Variants in ST3GAL3 observed in about 807,000 individuals in gnomAD.
ST3GAL3 encodes ST3 beta-galactoside alpha-2,3-sialyltransferase 3, also known as CMP-N-acetylneuraminate-beta-1,4-galactoside alpha-2,3-sialyltransferase.
Under a neutral mutation model 50.1 loss-of-function variants are expected in ST3GAL3, and 21 were observed. The ratio of observed to expected loss-of-function variants is 0.42; its 90% confidence interval spans 0.30 to 0.60. The LOEUF is 0.60. Ranked by LOEUF, ST3GAL3 falls within the 20% of genes least tolerant of loss-of-function variation. ST3GAL3 has a pLI of 0.19. For synonymous variants in ST3GAL3, 183 were observed against 190.0 expected, an observed-to-expected ratio of 0.96 and a Z score of 0.30; for missense variants, 353 against 489.4, an observed-to-expected ratio of 0.72 and a Z score of 2.63.
intron 2 of ST3GAL3, among the ~76,000 whole-genome samples, chr1:43,775,658 G>C (rs1350994369): frequency 2.0e-5 from 3 of 152,038 alleles, no homozygotes; most frequent in African/African-American, 7.2e-5. Flanking sequence ...TCTACTTGGG[G>C]GGACACAAAA....
At chr1:43,875,897 CTCT>C (rs66500354) in intron 5 of ST3GAL3, among the ~76,000 whole-genome samples, 1,947 of 133,906 alleles carry the variant, frequency 0.015, 20 homozygotes, top group South Asian at 0.032. Flanking sequence ...TTTAGAATTT[CTCT>C]TCTTCTTCTT....
intron 5 of ST3GAL3, among the ~76,000 whole-genome samples, chr1:43,857,358 A>G (rs1262950241): frequency 4.6e-5 from 7 of 152,222 alleles, no homozygotes; most frequent in Non-Finnish European, 8.8e-5. Flanking sequence ...TAAATAAAAA[A>G]TAGGCCTGGC....
At chr1:43,755,066 T>G (rs11210912) in intron 2 of ST3GAL3, among the ~76,000 whole-genome samples, 55,233 of 152,026 alleles carry the variant, frequency 0.36, 11,145 homozygotes, top group African/African-American at 0.55. Flanking sequence ...GTGCTATTAA[T>G]GACATCATAG....
chr1:43,914,404 C>T (rs2154289596), intron 9 of ST3GAL3: 1 of 152,258 alleles, frequency 6.6e-6, no homozygotes, highest in Middle Eastern at 3.4e-3. Flanking sequence ...GGGGAGGTCT[C>T]CTTTATCTTT....
intron 5 of ST3GAL3, among the ~76,000 whole-genome samples, chr1:43,892,197 C>T (rs2076780532): frequency 6.6e-6 from 1 of 152,234 alleles, no homozygotes; most frequent in Non-Finnish European, 1.5e-5. Context: ...CCTGCCTTGG[C>T]CTCCCAAAGT....
At chr1:43,733,674 T>A (rs1300563020) in intron 1 of ST3GAL3, among the ~76,000 whole-genome samples, 1 of 152,196 alleles carries the variant, frequency 6.6e-6, no homozygotes, top group Non-Finnish European at 1.5e-5. Flanking sequence ...TTTAAGAAAT[T>A]TCTTGGCCCT....
At chr1:43,808,295 C>T (rs2060138123) in intron 3 of ST3GAL3, among the ~76,000 whole-genome samples, 3 of 118,510 alleles carry the variant, frequency 2.5e-5, no homozygotes, top group South Asian at 5.8e-4. Context: ...CAGTGTGAGA[C>T]TCCATCTCAA....
intron 3 of ST3GAL3, chr1:43,801,482 C>G: frequency 2.4e-6 from 1 of 422,534 alleles, no homozygotes; most frequent in South Asian, 1.7e-5. Flanking sequence ...GAAGCTCTCT[C>G]TTTTGTCCTG....
chr1:43,821,799 A>G (rs2062131419), intron 4 of ST3GAL3, among the ~76,000 whole-genome samples: 1 of 152,200 alleles, frequency 6.6e-6, no homozygotes, highest in South Asian at 2.1e-4. Flanking sequence ...GGTCTGGCTC[A>G]AAGTTGAGGG....
At chr1:43,878,033 T>C (rs2074416232) in intron 5 of ST3GAL3, among the ~76,000 whole-genome samples, 1 of 152,220 alleles carries the variant, frequency 6.6e-6, no homozygotes, top group Admixed American at 6.5e-5. Context: ...TCAAAGTCAG[T>C]ATTCCTGGAC....
intron 5 of ST3GAL3, among the ~76,000 whole-genome samples, chr1:43,861,985 G>A (rs968565109): frequency 6.6e-6 from 1 of 150,494 alleles, no homozygotes; most frequent in Non-Finnish European, 1.5e-5. Context: ...CCAAGATCAC[G>A]CCATTGTACT....
At chr1:43,770,532 T>C (rs1694744174) in intron 2 of ST3GAL3, among the ~76,000 whole-genome samples, 1 of 152,102 alleles carries the variant, frequency 6.6e-6, no homozygotes, top group South Asian at 2.1e-4. Flanking sequence ...GAGGCAAGAC[T>C]AGGGGTGAAA....
chr1:43,920,688 G>A, intron 10 of ST3GAL3, 94 bp from the exon 11 acceptor site: 1 of 1,610,942 alleles, frequency 6.2e-7, no homozygotes, highest in Non-Finnish European at 8.5e-7. Flanking sequence ...TGGGCATGGA[G>A]GCTAGCTCTA....
intron 4 of ST3GAL3, among the ~76,000 whole-genome samples, chr1:43,826,151 A>G (rs2062770451): frequency 6.6e-6 from 1 of 151,954 alleles, no homozygotes; most frequent in African/African-American, 2.4e-5. Flanking sequence ...CCGTCTACTT[A>G]GTAGGTTGAG....
At chr1:43,769,347 C>T (rs1362487487) in intron 2 of ST3GAL3, among the ~76,000 whole-genome samples, 2 of 152,144 alleles carry the variant, frequency 1.3e-5, no homozygotes, top group African/African-American at 4.8e-5. Flanking sequence ...AGGAACAAGA[C>T]AAGAACATTC....
At chr1:43,915,024 G>A (rs897420121) in intron 9 of ST3GAL3, among the ~76,000 whole-genome samples, 8 of 152,346 alleles carry the variant, frequency 5.3e-5, no homozygotes, top group African/African-American at 1.9e-4. Flanking sequence ...AACTGGGGTC[G>A]GCTTGCTCAG....
chr1:43,746,395 T>A (rs184996881), intron 2 of ST3GAL3, among the ~76,000 whole-genome samples: 2 of 152,146 alleles, frequency 1.3e-5, no homozygotes, highest in Non-Finnish European at 2.9e-5. Flanking sequence ...TAGGGCTGCA[T>A]GGTGGTAATG....
chr1:43,791,091 T>C (rs1284841708), intron 2 of ST3GAL3, among the ~76,000 whole-genome samples: 1 of 152,232 alleles, frequency 6.6e-6, no homozygotes, highest in African/African-American at 2.4e-5. Flanking sequence ...GAATGTCCTA[T>C]TCCATTCTTG....
At chr1:43,854,716 T>C (rs2154217722) in intron 5 of ST3GAL3, among the ~76,000 whole-genome samples, 1 of 152,332 alleles carries the variant, frequency 6.6e-6, no homozygotes, top group South Asian at 2.1e-4. Context: ...GCTCAGTGTA[T>C]CCAACGCACC....
Sources: gnomAD v4.1 joint callset for allele counts (sites outside exome capture counted in the v4.1 genomes callset) on GRCh38, gnomAD v4.1.1 for gene constraint, MANE v1.5 for transcripts, NCBI Gene and HGNC (gene_info 2026-07-23, HGNC 2026-07-21) for gene names.